The following TMEM17 variants were observed in gnomAD, a reference collection of about 807,000 sequenced individuals.
TMEM17 encodes the protein transmembrane protein 17.
TMEM17 carries 15 observed loss-of-function variants against 19.1 expected under a neutral mutation model. The ratio of observed to expected loss-of-function variants is 0.78; its 90% confidence interval spans 0.52 to 1.21. TMEM17 has a LOEUF of 1.21. Ranked by LOEUF, TMEM17 falls within the 50% of genes most tolerant of loss-of-function variation. The pLI is 0.00. For synonymous variants in TMEM17, 103 were observed against 86.9 expected, an observed-to-expected ratio of 1.19 and a Z score of -1.03; for missense variants, 245 against 242.3, an observed-to-expected ratio of 1.01 and a Z score of -0.07.
chr2:62,502,660 G>A (rs2103731543), intron 2 of TMEM17, 31 bp downstream of exon 2: 1 of 1,536,040 alleles, frequency 6.5e-7, no homozygotes, highest in African/African-American at 1.4e-5. Context: ...AACAACGTCA[G>A]GGCAGCAAAA....
the TMEM17 span, among the ~76,000 whole-genome samples, chr2:62,473,964 G>A: frequency 2.6e-4 from 39 of 152,214 alleles, no homozygotes; most frequent in South Asian, 6.8e-3. Flanking sequence ...GAACAGAGAC[G>A]AGAAGGACTC....
At chr2:62,478,182 G>A in the TMEM17 span, among the ~76,000 whole-genome samples, 1 of 152,302 alleles carries the variant, frequency 6.6e-6, no homozygotes, top group African/African-American at 2.4e-5. Context: ...TTGGGAAAAG[G>A]GTCAAAGAGC....
downstream of TMEM17, among the ~76,000 whole-genome samples, chr2:62,498,336 G>A (rs980757381): frequency 5.3e-5 from 8 of 151,742 alleles, no homozygotes; most frequent in Admixed American, 1.3e-4. Context: ...GCAGTGAGCC[G>A]AGATCACGCC....
the TMEM17 span, among the ~76,000 whole-genome samples, chr2:62,483,513 A>C: frequency 6.6e-6 from 1 of 152,168 alleles, no homozygotes; most frequent in African/African-American, 2.4e-5. Flanking sequence ...TAGATGATTA[A>C]GGTGAAGTTC....
chr2:62,466,351 G>T, the TMEM17 span, among the ~76,000 whole-genome samples: 1,413 of 152,314 alleles, frequency 9.3e-3, 16 homozygotes, highest in African/African-American at 0.031. Flanking sequence ...TCCAAGCTCA[G>T]CCTGCTTCCT....
At chr2:62,475,320 C>A in the TMEM17 span, among the ~76,000 whole-genome samples, 113 of 152,366 alleles carry the variant, frequency 7.4e-4, no homozygotes, top group African/African-American at 2.7e-3. Flanking sequence ...TGGGGCACAG[C>A]GGCAGAGGCA....
At chr2:62,482,350 T>G in the TMEM17 span, among the ~76,000 whole-genome samples, 3 of 152,216 alleles carry the variant, frequency 2.0e-5, no homozygotes, top group African/African-American at 7.2e-5. Context: ...TGCCTTTATA[T>G]AAGTTATTTA....
chr2:62,464,639 C>A, the TMEM17 span, among the ~76,000 whole-genome samples: 1 of 152,180 alleles, frequency 6.6e-6, no homozygotes, highest in African/African-American at 2.4e-5. Context: ...AGGGAAATTG[C>A]AACAGAGAAA....
chr2:62,460,498 AAATTCAAC>A, the TMEM17 span, among the ~76,000 whole-genome samples: 51 of 152,252 alleles, frequency 3.3e-4, no homozygotes, highest in Middle Eastern at 0.01. Context: ...TCCCTTTTTA[AAATTCAAC>A]ATTTCACCAT....
the TMEM17 span, among the ~76,000 whole-genome samples, chr2:62,494,815 A>G: frequency 6.6e-6 from 1 of 152,090 alleles, no homozygotes. Context: ...CATCCTGGCT[A>G]ACACAGTGAA....
At chr2:62,484,494 C>G in the TMEM17 span, among the ~76,000 whole-genome samples, 1 of 152,168 alleles carries the variant, frequency 6.6e-6, no homozygotes, top group Non-Finnish European at 1.5e-5. Flanking sequence ...GACCAAGGAA[C>G]TGAATTTAAA....
At chr2:62,481,851 G>C in the TMEM17 span, among the ~76,000 whole-genome samples, 1 of 152,086 alleles carries the variant, frequency 6.6e-6, no homozygotes, top group Non-Finnish European at 1.5e-5. Context: ...TAGTTGGCAA[G>C]TGCAGGTGAG....
At chr2:62,505,950 C>T (rs906626533) in intron 1 of TMEM17, 80 bp downstream of exon 1, 26 of 1,331,896 alleles carry the variant, frequency 2.0e-5, no homozygotes, top group East Asian at 2.7e-5. Context: ...ATTTTAGGTA[C>T]GGGCAAATTC....
intron 1 of TMEM17, among the ~76,000 whole-genome samples, chr2:62,503,225 A>G (rs1296381989): frequency 6.6e-6 from 1 of 152,246 alleles, no homozygotes; most frequent in African/African-American, 2.4e-5. Context: ...CGGATTACCA[A>G]GGTTATAATT....
chr2:62,499,265 TCTG>T (rs1679858165), downstream of TMEM17, among the ~76,000 whole-genome samples: 1 of 152,200 alleles, frequency 6.6e-6, no homozygotes, highest in African/African-American at 2.4e-5. Flanking sequence ...TACCAGAAGT[TCTG>T]CTATTTAAAA....
chr2:62,454,749 G>T, the TMEM17 span, among the ~76,000 whole-genome samples: 9 of 152,126 alleles, frequency 5.9e-5, no homozygotes, highest in African/African-American at 1.9e-4. Context: ...TGTCGCCCAG[G>T]CTGGAGTGCA....
chr2:62,480,159 T>C, the TMEM17 span, among the ~76,000 whole-genome samples: 1 of 152,174 alleles, frequency 6.6e-6, no homozygotes. Flanking sequence ...CCCTGATGAT[T>C]AGTGACGTTG....
downstream of TMEM17, among the ~76,000 whole-genome samples, chr2:62,495,766 C>T (rs532639181): frequency 3.3e-5 from 5 of 152,330 alleles, no homozygotes; most frequent in African/African-American, 1.2e-4. Context: ...TCCTTCAGCA[C>T]ATTTTAAACA....
the TMEM17 span, among the ~76,000 whole-genome samples, chr2:62,470,531 A>C: frequency 1.3e-5 from 2 of 152,220 alleles, no homozygotes; most frequent in African/African-American, 4.8e-5. Flanking sequence ...CATTTTCACA[A>C]GTGCAGCTGC....
Sources: gnomAD v4.1 joint callset for allele counts (sites outside exome capture counted in the v4.1 genomes callset) on GRCh38, gnomAD v4.1.1 for gene constraint, MANE v1.5 for transcripts, NCBI Gene and HGNC (gene_info 2026-07-23, HGNC 2026-07-21) for gene names.